Variants in RNF220 observed in about 807,000 individuals in gnomAD.
RNF220 encodes the protein E3 ubiquitin-protein ligase RNF220.
A neutral mutation model predicts 67.1 loss-of-function variants in RNF220; 7 were observed. The ratio of observed to expected loss-of-function variants is 0.10; its 90% CI spans 0.06 to 0.20. The LOEUF (loss-of-function observed/expected upper bound fraction) is 0.20, where lower values mean the gene tolerates loss of function less well. RNF220 is among the 10% of genes least tolerant of loss of function. The pLI, the probability that RNF220 is intolerant of heterozygous loss-of-function variation, is 1.00. For synonymous variants in RNF220, 270 were observed against 283.2 expected (o/e 0.95, Z 0.47); for missense variants, 565 against 740.3 (o/e 0.76, Z 2.75).
At chr1:44,422,896 A>G (rs943124584) in intron 2 of RNF220, among the ~76,000 whole-genome samples, 10 of 152,168 alleles carry the variant, frequency 6.6e-5, no homozygotes, top group Admixed American at 5.2e-4. Flanking sequence ...AGTATGTGAG[A>G]CATGACTCAG....
At chr1:44,630,026 A>C (rs1644070287) in intron 5 of RNF220, among the ~76,000 whole-genome samples, 1 of 152,248 alleles carries the variant, frequency 6.6e-6, no homozygotes, top group Non-Finnish European at 1.5e-5. Context: ...CCTGGCATGT[A>C]GTAGTTGTTC....
At chr1:44,607,716 C>T (rs1667374028) in intron 2 of RNF220, among the ~76,000 whole-genome samples, 1 of 151,918 alleles carries the variant, frequency 6.6e-6, no homozygotes, top group Non-Finnish European at 1.5e-5. Context: ...GTCTCGATCT[C>T]CTGACCTCGT....
chr1:44,553,321 G>A (rs997419062), intron 2 of RNF220, among the ~76,000 whole-genome samples: 1 of 152,112 alleles, frequency 6.6e-6, no homozygotes, highest in Non-Finnish European at 1.5e-5. Flanking sequence ...ATGGTGACTA[G>A]CATAGTATCT....
chr1:44,479,874 C>T (rs1032493137), intron 2 of RNF220, among the ~76,000 whole-genome samples: 45 of 152,204 alleles, frequency 3.0e-4, no homozygotes, highest in African/African-American at 9.2e-4. Flanking sequence ...GCAGCCAGCT[C>T]ATGCTTGCAA....
intron 2 of RNF220, among the ~76,000 whole-genome samples, chr1:44,577,226 T>TCTTCGG (rs1448669812): frequency 6.6e-6 from 1 of 152,184 alleles, no homozygotes; most frequent in Non-Finnish European, 1.5e-5. Flanking sequence ...ATCCAAGCCA[T>TCTTCGG]CTTCGGCCAC....
At chr1:44,407,471 C>T (rs1230271374) in intron 1 of RNF220, among the ~76,000 whole-genome samples, 3 of 152,072 alleles carry the variant, frequency 2.0e-5, no homozygotes, top group African/African-American at 2.4e-5. Flanking sequence ...CTGGCGTCTT[C>T]CGTGCCGATC....
chr1:44,548,446 C>T (rs1662351485), intron 2 of RNF220, among the ~76,000 whole-genome samples: 2 of 152,132 alleles, frequency 1.3e-5, no homozygotes, highest in South Asian at 4.1e-4. Flanking sequence ...TTCCAGGCTC[C>T]CCACCTAGAC....
intron 2 of RNF220, among the ~76,000 whole-genome samples, chr1:44,480,732 A>G (rs1655724040): frequency 6.6e-6 from 1 of 152,106 alleles, no homozygotes; most frequent in South Asian, 2.1e-4. Flanking sequence ...TTAAAAATAC[A>G]AAAATTAGCT....
chr1:44,625,142 C>A (rs1057354197), intron 4 of RNF220, among the ~76,000 whole-genome samples: 2 of 152,142 alleles, frequency 1.3e-5, no homozygotes, highest in Non-Finnish European at 2.9e-5. Context: ...TCCTTGGGAC[C>A]AGAGAAGGAG....
chr1:44,645,621 C>T lies in RNF220; in HGVS notation c.1445+133C>T, dbSNP rs536012015. ...GCTCAGTGCTGCTGCCCTGGGCACA[C>T]GGCCGGCAGTGGAGCCCAGCTGGTG... On this transcript the variant is annotated intron_variant, in intron 12 of 14. Coordinates refer to ENST00000361799, the MANE Select transcript of RNF220 (RefSeq NM_018150.4). The surrounding 1 kb of genome is among the most constrained non-coding windows in gnomAD (Gnocchi z 5.0). 12 of 847,798 alleles carry T rather than the reference C, an allele frequency of 1.4e-5. No individual in the cohort carries two copies. The highest frequency in any genetic ancestry group is 1.4e-4 in the Admixed American group (6 of 43,298). 52.5% of individuals were successfully genotyped at this position (847,798 alleles called of 1,614,324 possible).
At position 44,422,112 on chromosome 1, in the gene RNF220, G is replaced by C. The variant is rs562817898; in HGVS notation, c.625+9390G>C. ...CATATAGTCACAAAGGTGTGTACTA[G>C]GTAGGAAGGGAAATGCTGAATGTTC... On this transcript the variant is annotated intron_variant, in intron 2 of 14. Coordinates refer to ENST00000361799, the MANE Select transcript of RNF220 (RefSeq NM_018150.4). Among the ~76,000 whole-genome samples the C allele has an allele frequency of 8.5e-5, 13 of 152,296 alleles. No individual in the cohort carries two copies. In the South Asian group the frequency reaches 2.5e-3, roughly 29 times the overall value.
At chr1:44,409,335 C>A (rs1319631964) in intron 1 of RNF220, among the ~76,000 whole-genome samples, 1 of 152,220 alleles carries the variant, frequency 6.6e-6, no homozygotes, top group Non-Finnish European at 1.5e-5. Context: ...TGGATTGATC[C>A]CTCCTCCTTG....
rs1488040148 is a variant in RNF220, at chr1:44,649,851, G to C, written c.1555-32G>C. On this transcript the variant is annotated intron_variant, in intron 13 of 14. Transcript: ENST00000361799. This position sits in a 1 kb window ranked among gnomAD's most constrained non-coding sequence, Gnocchi z 5.9. The stretch of plus-strand genomic sequence containing the variant: ...AGTTGGAGAGGGTGGGCCTACCTCA[G>C]AGTGACCCCTTCTCTGCCCCCTCCT... 3.1e-6 allele frequency: 5 copies of C among 1,613,782 alleles called. No individual in the cohort carries two copies. Among genetic ancestry groups the C allele is most frequent in the African/African-American group, 1.3e-5 (1 of 74,884 alleles).
In RNF220 at chr1:44,575,639, A is replaced by G. The variant is rs2148330038; in HGVS notation, c.626-38526A>G. Among the ~76,000 whole-genome samples, 3 of 152,356 alleles carry G rather than the reference A, an allele frequency of 2.0e-5. No homozygotes were observed. The South Asian group carries it at 6.2e-4, about 32-fold the overall frequency. The stretch of plus-strand genomic sequence containing the variant: ...AGTTAGAATGGCTATTATTAAAAAG[A>G]CAAAAAGTAACAGATGCTGGCAAGA... On this transcript the variant is annotated intron_variant, in intron 2 of 14. Transcript: ENST00000361799.
intron 1 of RNF220, among the ~76,000 whole-genome samples, chr1:44,408,165 C>T (rs761751205): frequency 2.6e-5 from 4 of 152,184 alleles, no homozygotes; most frequent in Non-Finnish European, 5.9e-5. Context: ...CCCCCGTTTT[C>T]CCTAAAAGAG....
chr1:44,423,890 A>G, intron 2 of RNF220: 1 of 985,452 alleles, frequency 1.0e-6, no homozygotes, highest in Non-Finnish European at 1.2e-6. Flanking sequence ...AAAAAAAGAA[A>G]GCGAAGCAAA....
chr1:44,567,715 C>T (rs1043409780), intron 2 of RNF220, among the ~76,000 whole-genome samples: 3 of 152,148 alleles, frequency 2.0e-5, no homozygotes, highest in African/African-American at 7.2e-5. Context: ...CTCTCTTCCT[C>T]CCTTCACTCA....
At chr1:44,632,168 G>T in intron 5 of RNF220, 175 bp from the exon 6 acceptor site, 1 of 1,559,084 alleles carries the variant, frequency 6.4e-7, no homozygotes, top group Non-Finnish European at 8.7e-7. Flanking sequence ...CCGAGAGCCC[G>T]GAGCGGCCGG....
chr1:44,645,578 CT>C lies in RNF220; in HGVS notation c.1445+91del. 1 of 1,337,126 alleles carries C rather than the reference CT, an allele frequency of 7.5e-7. No homozygotes were observed. The highest frequency in any genetic ancestry group is 1.1e-6 in the Non-Finnish European group (1 of 949,350). 82.8% of individuals were successfully genotyped at this position (1,337,126 alleles called of 1,614,324 possible). On this transcript the variant is annotated intron_variant, in intron 12 of 14. Coordinates refer to ENST00000361799, the MANE Select transcript of RNF220 (RefSeq NM_018150.4). This position sits in a 1 kb window ranked among gnomAD's most constrained non-coding sequence, Gnocchi z 5.0. The stretch of plus-strand genomic sequence containing the variant: ...GCAGGAAGGCCTGCTGCCAGGGCTT[CT>C]GGCCCTCCCAAGTGCAGCTCAGTGC...
Sources: gnomAD v4.1 joint callset for allele counts (sites outside exome capture counted in the v4.1 genomes callset) on GRCh38, gnomAD v4.1.1 for gene constraint, Gnocchi (gnomAD v3.1) non-coding constraint, MANE v1.5 for transcripts, NCBI Gene and HGNC (gene_info 2026-07-23, HGNC 2026-07-21) for gene names.